SP140L: variants seen among roughly 807,000 people sequenced by gnomAD.
SP140L encodes SP140 like nuclear body protein.
A neutral mutation model predicts 84.3 loss-of-function variants in SP140L; 64 were observed. The ratio of observed to expected loss-of-function variants is 0.76; its 90% confidence interval spans 0.62 to 0.94. The LOEUF (loss-of-function observed/expected upper bound fraction) is 0.94, where lower values mean the gene tolerates loss of function less well. SP140L is among the 40% of genes least tolerant of loss of function. The pLI is 0.00. For synonymous variants in SP140L, 242 were observed against 236.9 expected, an observed-to-expected ratio of 1.02 and a Z score of -0.20; for missense variants, 628 against 692.5, an observed-to-expected ratio of 0.91 and a Z score of 1.05.
chr2:230,329,133 G>A (rs2059658132), intron 2 of SP140L, among the ~76,000 whole-genome samples: 1 of 152,172 alleles, frequency 6.6e-6, no homozygotes, highest in African/African-American at 2.4e-5. Context: ...TTATAAGACA[G>A]ATGCACCCTC....
Position 230,370,977 on chromosome 2 carries a change from C to A in SP140L, c.583+10C>A, listed in dbSNP as rs2061047855. 1 of 1,613,190 alleles carries A rather than the reference C, an allele frequency of 6.2e-7. No individual in the cohort carries two copies. Among genetic ancestry groups the A allele is most frequent in the Non-Finnish European group, 8.5e-7 (1 of 1,179,424 alleles). On this transcript the variant is annotated intron_variant, in intron 6 of 18. Transcript: ENST00000415673. ...GCATGTGGCAAAATGGGTAAGGCTG[C>A]CTGAGGGCTGTGGGATGGGGTGGCT...
In SP140L at chr2:230,393,475, A is replaced by G. The variant is rs967429478; in HGVS notation, c.1155+14A>G. The G allele has an allele frequency of 1.3e-6, 2 of 1,560,134 alleles. No individual in the cohort carries two copies. The highest frequency in any genetic ancestry group is 2.3e-5 in the East Asian group (1 of 42,680). On this transcript the variant is annotated intron_variant, in intron 13 of 18. Coordinates refer to ENST00000415673, the MANE Select transcript of SP140L (RefSeq NM_138402.6). ...AGGAACAAAAAGGTGATTATTACAT[A>G]ATTTTCTACAGATTCTTGTCACACA...
chr2:230,390,039 T>A lies in SP140L; in HGVS notation c.964+16T>A, dbSNP rs1349281806. ...TTGGAACAAGGTGGGTTTCATAGTCTTCTTTAATTTGCAGCTCCTATCTGA... is the reference window on the plus strand; with the variant it reads ...TTGGAACAAGGTGGGTTTCATAGTCATCTTTAATTTGCAGCTCCTATCTGA... On this transcript the variant is annotated intron_variant, in intron 11 of 18. Transcript: ENST00000415673. 1.9e-6 allele frequency: 3 copies of A among 1,599,346 alleles called. No homozygotes were observed. In the African/African-American group the frequency reaches 4.0e-5, roughly 22 times the overall value.
intron 5 of SP140L, among the ~76,000 whole-genome samples, chr2:230,367,928 A>T (rs929942535): frequency 6.6e-6 from 1 of 152,244 alleles, no homozygotes; most frequent in Non-Finnish European, 1.5e-5. Context: ...GAGAGACTCC[A>T]TCTCAAAAAT....
At position 230,400,117 on chromosome 2, in the gene SP140L, T is replaced by C. The variant is rs1270406598; in HGVS notation, c.1198-10T>C. ...ATTCCCAGTGACGTGGACACTGTTT[T>C]ACCTTCTAGATGAGAAACTTGGATG... On this transcript the variant is annotated splice_polypyrimidine_tract_variant and intron_variant, in intron 14 of 18. Coordinates refer to ENST00000415673, the MANE Select transcript of SP140L (RefSeq NM_138402.6). 1.2e-6 allele frequency: 2 copies of C among 1,613,934 alleles called. No individual in the cohort carries two copies. Among genetic ancestry groups the C allele is most frequent in the Admixed American group, 3.3e-5 (2 of 60,014 alleles).
intron 14 of SP140L, chr2:230,399,873 G>A: frequency 2.9e-6 from 1 of 343,036 alleles, no homozygotes. Flanking sequence ...TTGTTGCTAG[G>A]CTTTCTGTGT....
chr2:230,369,151 C>A (rs2060975765), intron 5 of SP140L, among the ~76,000 whole-genome samples: 1 of 152,214 alleles, frequency 6.6e-6, no homozygotes, highest in Admixed American at 6.5e-5. Context: ...TTACATCTTG[C>A]ATAGACCAAA....
In SP140L at chr2:230,370,174, A is replaced by AAAG. The variant is rs1239572304; in HGVS notation, c.524-731_524-729dup. Among the ~76,000 whole-genome samples the AAAG allele has an allele frequency of 5.3e-5, 8 of 152,222 alleles. 1 individual carries two copies. Among genetic ancestry groups the AAAG allele is most frequent in the Non-Finnish European group, 4.4e-5 (3 of 68,040 alleles). On this transcript the variant is annotated intron_variant, in intron 5 of 18. Coordinates refer to ENST00000415673, the MANE Select transcript of SP140L (RefSeq NM_138402.6). ...GGACTACAAGTAGAAAAATAAAAGT[A>AAAG]AAGAAAAGGAGAAGGAGGTGCAAAA...
At position 230,369,419 on chromosome 2, in the gene SP140L, C is replaced by T. The variant is rs180969529; in HGVS notation, c.524-1489C>T. Among the ~76,000 whole-genome samples the T allele has an allele frequency of 2.4e-4, 36 of 152,306 alleles. 2 individuals are homozygous for T. In the East Asian group the frequency reaches 6.9e-3, roughly 29 times the overall value. ...TGAAGACTGCATCTGTAAGGGCTGGCCTGGAGCCTGGGGATTCAGGATTCA... is the reference window on the plus strand; with the variant it reads ...TGAAGACTGCATCTGTAAGGGCTGGTCTGGAGCCTGGGGATTCAGGATTCA... On this transcript the variant is annotated intron_variant, in intron 5 of 18. Transcript: ENST00000415673.
At chr2:230,393,503 A>T (rs7563909) in intron 13 of SP140L, 42 bp downstream of exon 13, 434,819 of 1,525,040 alleles carry the variant, frequency 0.29, 63,905 homozygotes, top group Non-Finnish European at 0.3. Context: ...GTCACACAAC[A>T]GATTTAACAT....
At chr2:230,384,766 G>A (rs546683386) in intron 8 of SP140L, among the ~76,000 whole-genome samples, 5 of 152,134 alleles carry the variant, frequency 3.3e-5, no homozygotes, top group Non-Finnish European at 5.9e-5. Context: ...ACAAAATTTC[G>A]CTGGATGTGG....
chr2:230,377,956 A>T (rs1439545411), intron 7 of SP140L, among the ~76,000 whole-genome samples: 3 of 152,028 alleles, frequency 2.0e-5, no homozygotes, highest in South Asian at 2.1e-4. Context: ...GCTTATTGAG[A>T]TCTATAACCC....
At chr2:230,393,512 A>T (rs547404851) in intron 13 of SP140L, 51 bp downstream of exon 13, 1 of 1,503,504 alleles carries the variant, frequency 6.7e-7, no homozygotes, top group Non-Finnish European at 8.9e-7. Flanking sequence ...CAGATTTAAC[A>T]TGTACAACAT....
chr2:230,372,866 C>G (rs1409977218), intron 7 of SP140L: 1 of 151,830 alleles, frequency 6.6e-6, no homozygotes, highest in Non-Finnish European at 1.5e-5. Flanking sequence ...AATAATTGGC[C>G]AAGTTATGAA....
At chr2:230,357,739 C>T in intron 2 of SP140L, 66 bp from the exon 3 acceptor site, 1 of 1,508,862 alleles carries the variant, frequency 6.6e-7, no homozygotes, top group Non-Finnish European at 9.0e-7. Context: ...TACATAAAAT[C>T]TTACCATCTC....
intron 1 of SP140L, among the ~76,000 whole-genome samples, 163 bp from the exon 2 acceptor site, chr2:230,328,594 T>C (rs2059642562): frequency 1.3e-5 from 2 of 152,242 alleles, no homozygotes; most frequent in Admixed American, 1.3e-4. Flanking sequence ...TTGTTTTAAA[T>C]TGTTCACGTT....
At position 230,370,935 on chromosome 2, in the gene SP140L, G is replaced by A; in HGVS notation, c.551G>A (p.Arg184Lys). 1 of 1,613,820 alleles carries A rather than the reference G, an allele frequency of 6.2e-7. No homozygotes were observed. Among genetic ancestry groups the A allele is most frequent in the East Asian group, 2.2e-5 (1 of 44,868 alleles). Residue 184 changes from arginine to lysine, a missense_variant, in exon 6 of 19, where the codon AGG becomes AAG. Physicochemically the swap from Arg to Lys is conservative, Grantham distance 26. This residue lies in a region of SP140L where 525 missense variants were observed against 518.4 expected (regional missense o/e 1.01). Transcript: ENST00000415673. Reference sequence around the variant, plus strand: ...GAAGTGCCAGAAAGCCCGGAAGCAAGGAAGGAAAGTGACCAAGCATGTGGC... The same window carrying A: ...GAAGTGCCAGAAAGCCCGGAAGCAAAGAAGGAAAGTGACCAAGCATGTGGC... ...QGEVPESPEA[R>K]KESDQACGKM...
At chr2:230,369,542 A>G (rs896515898) in intron 5 of SP140L, among the ~76,000 whole-genome samples, 2 of 152,184 alleles carry the variant, frequency 1.3e-5, no homozygotes, top group African/African-American at 4.8e-5. Flanking sequence ...GTTTTAGGAA[A>G]CATAGTTCAG....
Position 230,356,360 on chromosome 2 carries a change from A to C in SP140L, c.108-1445A>C, listed in dbSNP as rs561115516. Among the ~76,000 whole-genome samples, 3 of 152,316 alleles carry C rather than the reference A, an allele frequency of 2.0e-5. No individual in the cohort carries two copies. In the East Asian group the frequency reaches 5.8e-4, roughly 29 times the overall value. On this transcript the variant is annotated intron_variant, in intron 2 of 18. Coordinates refer to ENST00000415673, the MANE Select transcript of SP140L (RefSeq NM_138402.6). The stretch of plus-strand genomic sequence containing the variant: ...AATCCACTCCAATGTCCATCAAGAG[A>C]AAAATGAGTACGCAGACTGTGGTAG...
Sources: allele counts gnomAD v4.1 joint callset (sites outside exome capture counted in the v4.1 genomes callset), GRCh38; gene constraint gnomAD v4.1.1; regional missense constraint gnomAD v4.1.1; transcripts MANE v1.5; gene names NCBI Gene and HGNC (gene_info 2026-07-23, HGNC 2026-07-21).